Variants in PAM16 observed in about 807,000 individuals in gnomAD.
PAM16 encodes the protein mitochondrial import inner membrane translocase subunit TIM16.
In PAM16, 11 loss-of-function variants were observed where a neutral mutation model predicts 17.9. That is an observed-to-expected ratio of 0.62 (90% CI 0.39 to 1.02). PAM16 has a LOEUF of 1.02. Among genes scored for constraint, PAM16 ranks in the 50% least tolerant of loss-of-function variants. The probability of loss-of-function intolerance (pLI) is 0.01; values close to 1 mark genes in which losing one functional copy is unlikely to be tolerated. For synonymous variants in PAM16, 72 were observed against 67.4 expected, an observed-to-expected ratio of 1.07 and a Z score of -0.34; for missense variants, 199 against 165.4, an observed-to-expected ratio of 1.20 and a Z score of -1.11.
intron 1 of PAM16, chr16:4,347,418 G>GT (rs2053775478): frequency 6.6e-6 from 1 of 152,168 alleles, no homozygotes; most frequent in Admixed American, 6.5e-5. Context: ...AGGATTACAG[G>GT]TGTGAGCTAC....
At chr16:4,345,089 G>T (rs934967858) in intron 1 of PAM16, among the ~76,000 whole-genome samples, 1 of 152,014 alleles carries the variant, frequency 6.6e-6, no homozygotes, top group African/African-American at 2.4e-5. Flanking sequence ...ATTATATATA[G>T]ACAGCACATA....
chr16:4,349,846 G>A (rs887083677), intron 1 of PAM16, among the ~76,000 whole-genome samples: 15 of 152,144 alleles, frequency 9.9e-5, no homozygotes, highest in Non-Finnish European at 1.9e-4. Flanking sequence ...TGGGATGCAT[G>A]ACTATGGTGG....
rs368337855 is a variant in PAM16 at position 4,340,322 on chromosome 16, C to G, written c.375G>C (p.Thr125=). ...GTGGGCGGGGGGAGCCGAGCAGTCACGTATGGGGCATCTGCCCTTTTTCTC... is the reference window on the plus strand; with the variant it reads ...GTGGGCGGGGGGAGCCGAGCAGTCAGGTATGGGGCATCTGCCCTTTTTCTC... The part of the protein sequence containing the change: ...EDREKGQMPH[T] The change falls in exon 5 of 5, where the codon ACG becomes ACC. Residue 125 remains threonine, a synonymous_variant. Coordinates refer to ENST00000318059, the MANE Select transcript of PAM16 (RefSeq NM_016069.11). 8 of 1,612,486 alleles carry G rather than the reference C, an allele frequency of 5.0e-6. No homozygotes were observed. Among genetic ancestry groups the G allele is most frequent in the Non-Finnish European group, 6.8e-6 (8 of 1,179,742 alleles).
intron 1 of PAM16, chr16:4,346,606 A>C (rs916550926): frequency 6.6e-6 from 1 of 152,286 alleles, no homozygotes; most frequent in African/African-American, 2.4e-5. Flanking sequence ...AAGCAGAACG[A>C]GAACCACGTT....
Position 4,341,382 on chromosome 16 carries a change from C to G in PAM16, c.211G>C (p.Glu71Gln). The G allele has an allele frequency of 6.3e-7, 1 of 1,583,146 alleles. No individual in the cohort carries two copies. Among genetic ancestry groups the G allele is most frequent in the Non-Finnish European group, 8.6e-7 (1 of 1,164,790 alleles). The stretch of plus-strand genomic sequence containing the variant: ...AGTGGCCTCACCTTCTGGACCTCCT[C>G]AGGGCTCAGCTTGGACACGTTGAGA... ...QILNVSKLSP[E>Q]EVQKNYEHLF... The change falls in exon 3 of 5, where the codon GAG (glutamate) becomes CAG (glutamine). Residue 71 changes from glutamate to glutamine, a missense_variant. Transcript: ENST00000318059.
At position 4,351,293 on chromosome 16, in the gene PAM16, C is replaced by A; in HGVS notation, c.-59G>T. The stretch of plus-strand genomic sequence containing the variant: ...ACTTCCTGGCCCCGCGGCCGGGGAT[C>A]AAGCGTGGTCGGCGGGTCAGAGGTC... On this transcript the variant is annotated 5_prime_UTR_variant, in exon 1 of 5. Coordinates refer to ENST00000318059, the MANE Select transcript of PAM16 (RefSeq NM_016069.11). The A allele has an allele frequency of 1.4e-6, 2 of 1,380,518 alleles. No individual in the cohort carries two copies. Among genetic ancestry groups the A allele is most frequent in the South Asian group, 1.7e-5 (1 of 59,524 alleles). The allele number at this position is 1,380,518 out of a possible 1,614,324, so 85.5% of individuals were successfully genotyped here. A position where few individuals can be genotyped will look rare whatever the true frequency, so the allele number is the denominator to read the frequency against.
chr16:4,343,525 G>A, intron 1 of PAM16: 4 of 1,425,854 alleles, frequency 2.8e-6, no homozygotes, highest in Non-Finnish European at 2.7e-6. Flanking sequence ...AGCTCCCAGA[G>A]GCAGACTGGC....
chr16:4,347,752 C>A (rs1403674848), intron 1 of PAM16: 1 of 152,236 alleles, frequency 6.6e-6, no homozygotes, highest in African/African-American at 2.4e-5. Context: ...CATAGTCCAC[C>A]GACTGACACT....
At chr16:4,344,293 T>C (rs1440540402) in intron 1 of PAM16, among the ~76,000 whole-genome samples, 2 of 12,210 alleles carry the variant, frequency 1.6e-4, no homozygotes, top group Admixed American at 8.8e-4. Flanking sequence ...GGGGGTTCTG[T>C]GTGAGAGGAG....
intron 2 of PAM16, 112 bp from the exon 3 acceptor site, chr16:4,341,616 C>G (rs566173728): frequency 2.7e-5 from 40 of 1,462,980 alleles, no homozygotes; most frequent in Non-Finnish European, 3.3e-5. Flanking sequence ...GACACAGGGA[C>G]AGGTGGCTAG....
intron 1 of PAM16, chr16:4,345,272 GGCACGGT>G (rs1252326817): frequency 6.6e-6 from 1 of 152,130 alleles, no homozygotes; most frequent in Non-Finnish European, 1.5e-5. Context: ...CCACACACCA[GGCACGGT>G]GCCAAACACG....
intron 3 of PAM16, 112 bp downstream of exon 3, chr16:4,341,256 G>A: frequency 6.8e-7 from 1 of 1,465,934 alleles, no homozygotes; most frequent in Non-Finnish European, 9.1e-7. Flanking sequence ...TGGAGTCCGA[G>A]CTGGGTGCAG....
chr16:4,346,132 C>G (rs1267827250), intron 1 of PAM16: 1 of 217,124 alleles, frequency 4.6e-6, no homozygotes, highest in Admixed American at 6.5e-5. Flanking sequence ...AGCTGCAGGG[C>G]AGAGGGGGGC....
intron 1 of PAM16, chr16:4,346,102 C>A (rs886400902): frequency 5.0e-6 from 2 of 402,448 alleles, no homozygotes; most frequent in Middle Eastern, 1.3e-3. Context: ...GCGTGGTGGC[C>A]TGTGGCTTCA....
intron 1 of PAM16, chr16:4,343,622 A>G: frequency 7.6e-7 from 1 of 1,319,364 alleles, no homozygotes; most frequent in Non-Finnish European, 9.8e-7. Context: ...GTGGTCTGGG[A>G]GCCAGAACAC....
At chr16:4,341,045 G>C (rs1298502467) in intron 3 of PAM16, 60 bp from the exon 4 acceptor site, 5 of 1,595,994 alleles carry the variant, frequency 3.1e-6, no homozygotes, top group Non-Finnish European at 4.3e-6. Context: ...ATGTTGGGCA[G>C]GCTATGTGGG....
chr16:4,344,011 G>A (rs1029317431), intron 1 of PAM16: 3 of 397,818 alleles, frequency 7.5e-6, no homozygotes, highest in East Asian at 7.2e-5. Flanking sequence ...TCCCTGCCCC[G>A]AGTCAGAGCA....
At chr16:4,343,105 C>T (rs533946789) in intron 2 of PAM16, 102 bp downstream of exon 2, 112 of 1,492,884 alleles carry the variant, frequency 7.5e-5, no homozygotes, top group East Asian at 6.0e-4. Flanking sequence ...CCTCAGGCCA[C>T]GCACACTTCA....
At chr16:4,344,345 T>A (rs1353851709) in intron 1 of PAM16, among the ~76,000 whole-genome samples, 1 of 410 alleles carries the variant, frequency 2.4e-3, no homozygotes, top group Non-Finnish European at 4.1e-3. Flanking sequence ...AGGAGGGGGT[T>A]CTGTGTGAGA....
Sources: gnomAD v4.1 joint callset for allele counts (sites outside exome capture counted in the v4.1 genomes callset) on GRCh38, gnomAD v4.1.1 for gene constraint, MANE v1.5 for transcripts, NCBI Gene and HGNC (gene_info 2026-07-23, HGNC 2026-07-21) for gene names.